Variants in CERK observed in about 807,000 individuals in gnomAD.
The protein encoded by CERK is ceramide kinase, also known as acylsphingosine kinase.
A neutral mutation model predicts 63.4 loss-of-function variants in CERK; 39 were observed. The observed-to-expected ratio is 0.61, with a 90% CI of 0.48 to 0.80. The LOEUF (loss-of-function observed/expected upper bound fraction) is 0.80. CERK is among the 30% of genes least tolerant of loss of function. The pLI, the probability that CERK is intolerant of heterozygous loss-of-function variation, is 0.00. For missense variants in CERK, 670 were observed against 714.1 expected (o/e 0.94, Z 0.70); for synonymous variants, 302 against 280.0 (o/e 1.08, Z -0.78).
At chr22:46,715,065 T>G (rs2082860112) in intron 3 of CERK, among the ~76,000 whole-genome samples, 1 of 152,054 alleles carries the variant, frequency 6.6e-6, no homozygotes, top group Non-Finnish European at 1.5e-5. Flanking sequence ...ATTCTCCACT[T>G]AAAAAAACCA....
intron 3 of CERK, 76 bp downstream of exon 3, chr22:46,720,010 C>G (rs2082884171): frequency 6.4e-7 from 1 of 1,559,894 alleles, no homozygotes; most frequent in Non-Finnish European, 8.7e-7. Flanking sequence ...CGGGGAGACA[C>G]TTCAGGAAGA....
Position 46,712,305 on chromosome 22 carries a change from C to A in CERK, c.380-12G>T, listed in dbSNP as rs73888627. The A allele has an allele frequency of 1.9e-6, 3 of 1,611,436 alleles. No individual in the cohort carries two copies. The highest frequency in any genetic ancestry group is 2.7e-5 in the African/African-American group (2 of 74,916). ...CTTTGGTCTGGACGCTGTAAGACAA[C>A]AACATGTAAATAACAACGAAAATAA... is the stretch of plus-strand genomic sequence containing the variant. On this transcript the variant is annotated splice_polypyrimidine_tract_variant and intron_variant, in intron 3 of 12. Coordinates refer to ENST00000216264, the MANE Select transcript of CERK (RefSeq NM_022766.6).
Position 46,701,639 on chromosome 22 carries a change from C to A in CERK, c.787G>T (p.Val263Phe). The A allele has an allele frequency of 6.4e-7, 1 of 1,556,416 alleles. No individual in the cohort carries two copies. Among genetic ancestry groups the A allele is most frequent in the Non-Finnish European group, 8.7e-7 (1 of 1,149,958 alleles). Residue 263 changes from valine to phenylalanine, a missense_variant, in exon 7 of 13, where the codon GTT (valine) becomes TTT (phenylalanine). Val to Phe is a conservative substitution (Grantham distance 50). Coordinates refer to ENST00000216264, the MANE Select transcript of CERK (RefSeq NM_022766.6). The stretch of plus-strand genomic sequence containing the variant: ...CATGCGCAGAGGAGGGGCTCACCAA[C>A]AACGATATGCAGCGCCGAGGTTTCT... ...DAETSALHIV[V>F]GDSLAMDVSS... is the part of the protein sequence containing the mutation.
chr22:46,691,888 G>T, intron 10 of CERK, 111 bp from the exon 11 acceptor site: 33 of 700,918 alleles, frequency 4.7e-5, no homozygotes, highest in Non-Finnish European at 5.5e-5. Context: ...GCATTTAGCA[G>T]ACACTTCATG....
intron 6 of CERK, among the ~76,000 whole-genome samples, chr22:46,707,034 G>A (rs1433846905): frequency 6.6e-6 from 1 of 152,050 alleles, no homozygotes; most frequent in Admixed American, 6.5e-5. Flanking sequence ...TTTGAGGCAA[G>A]GTGGCCTCTA....
chr22:46,693,823 C>G (rs2082743239), intron 9 of CERK: 2 of 369,490 alleles, frequency 5.4e-6, no homozygotes, highest in Admixed American at 7.9e-5. Context: ...GACTGAGGCA[C>G]TGGTTCCCCC....
intron 10 of CERK, 42 bp from the exon 11 acceptor site, chr22:46,691,819 C>T (rs772671682): frequency 7.8e-6 from 12 of 1,542,342 alleles, no homozygotes; most frequent in African/African-American, 6.8e-5. Flanking sequence ...GTTACAATGG[C>T]GCCGGGCAGC....
chr22:46,707,879 C>G lies in CERK; in HGVS notation c.679G>C (p.Val227Leu), dbSNP rs1260152053. Reference sequence around the variant, plus strand: ...ATTCCAATCCGGAGGCTACTGGGGACCAGCACAGCCCGGGGGTGGTTCTGG... The same window carrying G: ...ATTCCAATCCGGAGGCTACTGGGGAGCAGCACAGCCCGGGGGTGGTTCTGG... ...VDQNHPRAVL[V>L]PSSLRIGIIP... Residue 227 changes from valine to leucine, a missense_variant, in exon 6 of 13, where the codon GTC becomes CTC. Physicochemically the swap from Val to Leu is conservative, Grantham distance 32. Transcript: ENST00000216264. 3 of 1,613,732 alleles carry G rather than the reference C, an allele frequency of 1.9e-6. No individual in the cohort carries two copies. The highest frequency in any genetic ancestry group is 2.5e-6 in the Non-Finnish European group (3 of 1,179,770).
intron 5 of CERK, 134 bp downstream of exon 5, chr22:46,710,952 C>CAT: frequency 1.5e-6 from 1 of 662,924 alleles, no homozygotes; most frequent in Admixed American, 2.7e-5. Context: ...CTGTAAGAAG[C>CAT]ATGTTTACTT....
intron 5 of CERK, among the ~76,000 whole-genome samples, chr22:46,708,873 G>A (rs1801427110): frequency 6.6e-6 from 1 of 152,116 alleles, no homozygotes; most frequent in Non-Finnish European, 1.5e-5. Context: ...TAGAGGAGCG[G>A]TGTGAGTCGA....
intron 12 of CERK, among the ~76,000 whole-genome samples, chr22:46,688,669 T>G (rs1443874267): frequency 6.6e-6 from 1 of 152,238 alleles, no homozygotes; most frequent in Non-Finnish European, 1.5e-5. Context: ...CAGAGATGCG[T>G]GCATCCTCTT....
intron 1 of CERK, among the ~76,000 whole-genome samples, chr22:46,728,854 C>T (rs778560971): frequency 9.2e-5 from 14 of 152,130 alleles, no homozygotes; most frequent in Non-Finnish European, 1.8e-4. Context: ...CCCAGAGAAG[C>T]CAGGGTGTGC....
intron 10 of CERK, among the ~76,000 whole-genome samples, chr22:46,692,927 AGAG>A (rs2082738828): frequency 1.3e-5 from 2 of 150,922 alleles, no homozygotes; most frequent in Admixed American, 6.6e-5. Flanking sequence ...AAAAAAAAGA[AGAG>A]AAAGAGAAAA....
intron 3 of CERK, among the ~76,000 whole-genome samples, 171 bp from the exon 4 acceptor site, chr22:46,712,464 A>T (rs2082846221): frequency 6.6e-6 from 1 of 152,220 alleles, no homozygotes; most frequent in Admixed American, 6.5e-5. Flanking sequence ...TGATCTATGA[A>T]AAGAGAAAAT....
At chr22:46,690,724 G>T (rs946745194) in intron 11 of CERK, among the ~76,000 whole-genome samples, 4 of 152,138 alleles carry the variant, frequency 2.6e-5, no homozygotes, top group Non-Finnish European at 5.9e-5. Context: ...CTAGACTCGG[G>T]TCTTCCTCTG....
intron 5 of CERK, among the ~76,000 whole-genome samples, chr22:46,709,362 C>T (rs760998453): frequency 3.0e-4 from 45 of 152,186 alleles, no homozygotes; most frequent in Non-Finnish European, 5.4e-4. Context: ...CGACTGTCTT[C>T]CTGCCAAGCT....
At chr22:46,707,219 C>G (rs900492978) in intron 6 of CERK, among the ~76,000 whole-genome samples, 2 of 152,194 alleles carry the variant, frequency 1.3e-5, no homozygotes, top group African/African-American at 4.8e-5. Flanking sequence ...AGGACAGACA[C>G]CTCGTCCCCT....
At chr22:46,701,536 C>G (rs549357898) in intron 7 of CERK, 100 bp downstream of exon 7, 1 of 998,210 alleles carries the variant, frequency 1.0e-6, no homozygotes, top group African/African-American at 1.6e-5. Context: ...CAGGACAGGA[C>G]GGCAACGGCT....
At chr22:46,712,342 C>T (rs1157660738) in intron 3 of CERK, 49 bp from the exon 4 acceptor site, 18 of 1,584,416 alleles carry the variant, frequency 1.1e-5, no homozygotes, top group Middle Eastern at 1.7e-4. Context: ...AAAATCAAAA[C>T]GAAGAGCTCT....
Sources: allele counts gnomAD v4.1 joint callset (sites outside exome capture counted in the v4.1 genomes callset), GRCh38; gene constraint gnomAD v4.1.1; transcripts MANE v1.5; gene names NCBI Gene and HGNC (gene_info 2026-07-23, HGNC 2026-07-21).